The following SPATA18 variants were observed in gnomAD, a reference collection of about 807,000 sequenced individuals.
The protein encoded by SPATA18 is spermatogenesis associated 18, also known as mitochondria-eating protein.
A neutral mutation model predicts 68.1 loss-of-function variants in SPATA18; 54 were observed. The observed-to-expected ratio is 0.79, with a 90% CI of 0.64 to 0.99. The LOEUF is 0.99. Among genes scored for constraint, SPATA18 ranks in the 50% least tolerant of loss-of-function variants. SPATA18 has a pLI of 0.00. For missense variants in SPATA18, 724 were observed against 681.1 expected (o/e 1.06, Z -0.70); for synonymous variants, 242 against 244.8 (o/e 0.99, Z 0.11).
chr4:52,070,947 C>T (rs1739785806), intron 5 of SPATA18, among the ~76,000 whole-genome samples: 1 of 151,842 alleles, frequency 6.6e-6, no homozygotes, highest in Non-Finnish European at 1.5e-5. Flanking sequence ...GCATGTGTTC[C>T]AATGGTTCTG....
intron 1 of SPATA18, among the ~76,000 whole-genome samples, chr4:52,056,785 C>G (rs376298014): frequency 3.7e-4 from 57 of 152,210 alleles, no homozygotes; most frequent in African/African-American, 1.3e-3. Context: ...ACCCTGTGAC[C>G]CAAAGTCTAT....
intron 10 of SPATA18, 198 bp downstream of exon 10, chr4:52,082,708 C>A: frequency 7.0e-7 from 1 of 1,422,238 alleles, no homozygotes; most frequent in Non-Finnish European, 9.2e-7. Context: ...AATTTCCTGG[C>A]AGTAATTTCT....
At chr4:52,064,983 G>A (rs896566656) in intron 4 of SPATA18, among the ~76,000 whole-genome samples, 1 of 152,108 alleles carries the variant, frequency 6.6e-6, no homozygotes, top group South Asian at 2.1e-4. Context: ...GAGTAAGATG[G>A]TATTGCATTG....
intron 11 of SPATA18, among the ~76,000 whole-genome samples, chr4:52,091,089 G>T (rs971742369): frequency 1.3e-5 from 2 of 151,524 alleles, no homozygotes; most frequent in African/African-American, 4.8e-5. Flanking sequence ...TTTGGCTATT[G>T]ATACTTGTGT....
At chr4:52,089,215 G>T (rs1324456566) in intron 11 of SPATA18, among the ~76,000 whole-genome samples, 1 of 151,758 alleles carries the variant, frequency 6.6e-6, no homozygotes, top group African/African-American at 2.4e-5. Flanking sequence ...CTATTTTGCA[G>T]ATCTTTTTTA....
In SPATA18 at chr4:52,076,767, G is replaced by C; in HGVS notation, c.759-12G>C. On this transcript the variant is annotated splice_polypyrimidine_tract_variant and intron_variant, in intron 6 of 12. Coordinates refer to ENST00000295213, the MANE Select transcript of SPATA18 (RefSeq NM_145263.4). ...CAAAGGATTTCCCTGGCTGATTCTC[G>C]CTCACCAACAGGTCCTCCAGGAGCC... 6.2e-7 allele frequency: 1 copy of C among 1,609,464 alleles called. No individual in the cohort carries two copies. The highest frequency in any genetic ancestry group is 1.7e-4 in the Middle Eastern group (1 of 6,028).
intron 4 of SPATA18, among the ~76,000 whole-genome samples, chr4:52,064,827 CT>C (rs1739184740): frequency 6.6e-6 from 1 of 152,110 alleles, no homozygotes; most frequent in Non-Finnish European, 1.5e-5. Flanking sequence ...TGTAGTTCTA[CT>C]TTTAGTTAAG....
Position 52,072,042 on chromosome 4 carries a change from A to G in SPATA18, c.644A>G (p.Lys215Arg). The G allele has an allele frequency of 6.2e-7, 1 of 1,613,946 alleles. No individual in the cohort carries two copies. Among genetic ancestry groups the G allele is most frequent in the South Asian group, 1.1e-5 (1 of 91,062 alleles). ...AAGCGTGAGCAGTGGAACTCACTCA[A>G]GCAGAATGCAGACCAGCAGGACACA... ...ERKREQWNSL[K>R]QNADQQDTEA... Residue 215 changes from lysine to arginine, a missense_variant, in exon 6 of 13, where the codon AAG becomes AGG. Coordinates refer to ENST00000295213, the MANE Select transcript of SPATA18 (RefSeq NM_145263.4).
chr4:52,096,560 A>G lies in SPATA18; in HGVS notation c.*1673A>G, dbSNP rs550732230. The G allele has an allele frequency of 2.0e-5, 3 of 152,306 alleles. No homozygotes were observed. The highest frequency in any genetic ancestry group is 4.4e-5 in the Non-Finnish European group (3 of 68,028). 9.4% of individuals were successfully genotyped at this position (152,306 alleles called of 1,614,324 possible). A position where few individuals can be genotyped will look rare whatever the true frequency, so the allele number is the denominator to read the frequency against. ...AAAGCAGAAAAAAAGGCAACTTTTA[A>G]TAAAATAAAATGTATTTCAATAAAA... On this transcript the variant is annotated 3_prime_UTR_variant, in exon 13 of 13. Transcript: ENST00000295213.
At chr4:52,092,291 A>T (rs11133344) in intron 11 of SPATA18, among the ~76,000 whole-genome samples, 1 of 151,756 alleles carries the variant, frequency 6.6e-6, no homozygotes, top group Non-Finnish European at 1.5e-5. Flanking sequence ...AGCTAGTTTG[A>T]TGTCTGCCCA....
At chr4:52,083,347 A>G (rs1741121362) in intron 10 of SPATA18, 1 of 985,318 alleles carries the variant, frequency 1.0e-6, no homozygotes, top group South Asian at 4.7e-5. Context: ...TTTCACACAT[A>G]CAGTGGAGAA....
At chr4:52,082,575 A>G (rs556591839) in intron 10 of SPATA18, 65 bp downstream of exon 10, 8 of 1,613,044 alleles carry the variant, frequency 5.0e-6, no homozygotes, top group Non-Finnish European at 6.8e-6. Context: ...GAGAACATTT[A>G]TAAACCCAGA....
Position 52,076,798 on chromosome 4 carries a change from C to A in SPATA18, c.778C>A (p.Pro260Thr), listed in dbSNP as rs73815293. 7.4e-6 allele frequency: 12 copies of A among 1,613,944 alleles called. No individual in the cohort carries two copies. Among genetic ancestry groups the A allele is most frequent in the Non-Finnish European group, 1.0e-5 (12 of 1,179,874 alleles). ...LQGRSSRSRS[P>T]SPAPRSRSCS... Reference sequence around the variant, plus strand: ...CAACAGGTCCTCCAGGAGCCGGTCTCCCAGCCCTGCCCCTCGCAGCCGTAG... The same window carrying A: ...CAACAGGTCCTCCAGGAGCCGGTCTACCAGCCCTGCCCCTCGCAGCCGTAG... The change falls in exon 7 of 13, where the codon CCC (proline) becomes ACC (threonine). Residue 260 changes from proline (P) to threonine (T), a missense_variant. Coordinates refer to ENST00000295213, the MANE Select transcript of SPATA18 (RefSeq NM_145263.4).
chr4:52,078,032 G>A (rs888779865), intron 7 of SPATA18, among the ~76,000 whole-genome samples: 86 of 151,992 alleles, frequency 5.7e-4, no homozygotes, highest in African/African-American at 2.0e-3. Flanking sequence ...ATCTGGACCT[G>A]GCTCATATTT....
At chr4:52,083,433 C>T in intron 10 of SPATA18, 2 of 985,410 alleles carry the variant, frequency 2.0e-6, no homozygotes, top group Non-Finnish European at 2.4e-6. Context: ...TGAATACTAT[C>T]TTAAAATGTT....
At chr4:52,084,162 ACT>A (rs1228070970) in intron 10 of SPATA18, among the ~76,000 whole-genome samples, 1 of 152,080 alleles carries the variant, frequency 6.6e-6, no homozygotes, top group Non-Finnish European at 1.5e-5. Flanking sequence ...CAGCAGTCAC[ACT>A]CTGTTAAGAA....
chr4:52,085,579 TG>T (rs1183279216), intron 11 of SPATA18, among the ~76,000 whole-genome samples: 12 of 152,142 alleles, frequency 7.9e-5, no homozygotes, highest in Non-Finnish European at 5.9e-5. Context: ...AACATTATTA[TG>T]GGCTGGGTAG....
rs1737877179 is a variant in SPATA18 at position 52,051,632 on chromosome 4, G to A, written c.-73G>A. The A allele has an allele frequency of 7.1e-7, 1 of 1,407,692 alleles. No homozygotes were observed. Among genetic ancestry groups the A allele is most frequent in the Non-Finnish European group, 1.0e-6 (1 of 992,248 alleles). The allele number at this position is 1,407,692 out of a possible 1,614,324, so 87.2% of individuals were successfully genotyped here. On this transcript the variant is annotated 5_prime_UTR_variant, in exon 1 of 13. Coordinates refer to ENST00000295213, the MANE Select transcript of SPATA18 (RefSeq NM_145263.4). ...ACCCTTCCCGCCATATCACCCCACG[G>A]TCCTGCGGAGGCCACCGCCTGGTCC...
At chr4:52,053,926 A>G (rs1031481198) in intron 1 of SPATA18, among the ~76,000 whole-genome samples, 6 of 152,160 alleles carry the variant, frequency 3.9e-5, no homozygotes, top group African/African-American at 1.4e-4. Flanking sequence ...GAAGAAGCCA[A>G]AGCTCCTACA....
Sources: gnomAD v4.1 joint callset for allele counts (sites outside exome capture counted in the v4.1 genomes callset) on GRCh38, gnomAD v4.1.1 for gene constraint, MANE v1.5 for transcripts, NCBI Gene and HGNC (gene_info 2026-07-23, HGNC 2026-07-21) for gene names.